Variants in ELMO1 observed in about 807,000 individuals in gnomAD.
ELMO1 encodes the protein engulfment and cell motility protein 1.
In ELMO1, 26 loss-of-function variants were observed where a neutral mutation model predicts 98.9. The ratio of observed to expected loss-of-function variants is 0.26; its 90% confidence interval spans 0.19 to 0.36. ELMO1 has a LOEUF of 0.36. ELMO1 is among the 10% of genes least tolerant of loss of function. The pLI, the probability that ELMO1 is intolerant of heterozygous loss-of-function variation, is 1.00. For missense variants in ELMO1, 627 were observed against 935.2 expected (o/e 0.67, Z 4.30); for synonymous variants, 346 against 346.0 (o/e 1.00, Z 0.00).
At chr7:36,941,651 C>T (rs1025519272) in intron 16 of ELMO1, among the ~76,000 whole-genome samples, 10 of 152,170 alleles carry the variant, frequency 6.6e-5, no homozygotes, top group African/African-American at 2.4e-4. Flanking sequence ...CATGGCATTG[C>T]TAAAGGGCCA....
chr7:37,400,660 C>T (rs1803487933), intron 1 of ELMO1, among the ~76,000 whole-genome samples: 1 of 152,110 alleles, frequency 6.6e-6, no homozygotes, highest in African/African-American at 2.4e-5. Flanking sequence ...TTCAGTTACT[C>T]CAGAATATTT....
chr7:37,184,590 C>T (rs1791084889), intron 13 of ELMO1, among the ~76,000 whole-genome samples: 1 of 152,134 alleles, frequency 6.6e-6, no homozygotes, highest in Non-Finnish European at 1.5e-5. Flanking sequence ...AATCAAACTG[C>T]TTTGGCTGAA....
At chr7:36,988,404 A>C (rs73688414) in intron 16 of ELMO1, among the ~76,000 whole-genome samples, 2,356 of 152,350 alleles carry the variant, frequency 0.015, 18 homozygotes, top group Middle Eastern at 0.037. Flanking sequence ...CTCAATCAAA[A>C]TTTAATAATT....
chr7:36,919,314 T>A lies in ELMO1; in HGVS notation c.1438-24297A>T, dbSNP rs745640657. 1.4e-5 allele frequency: 7 copies of A among 517,052 alleles called. No individual in the cohort carries two copies. In the Admixed American group the frequency reaches 1.4e-4, roughly 10 times the overall value. The allele number at this position is 517,052 out of a possible 1,614,324, so 32.0% of individuals were successfully genotyped here. On this transcript the variant is annotated intron_variant, in intron 16 of 21. Coordinates refer to ENST00000310758, the MANE Select transcript of ELMO1 (RefSeq NM_014800.11). Reference sequence around the variant, plus strand: ...ATAGCATCGTGTGAGTCTCAGCCTTTTCTAACACTGCTCAGATGCTGGCTG... The same window carrying A: ...ATAGCATCGTGTGAGTCTCAGCCTTATCTAACACTGCTCAGATGCTGGCTG...
intron 13 of ELMO1, among the ~76,000 whole-genome samples, chr7:37,152,776 T>C (rs1380751237): frequency 6.6e-6 from 1 of 152,208 alleles, no homozygotes; most frequent in Non-Finnish European, 1.5e-5. Flanking sequence ...ATTTGCGATA[T>C]AAACTTCTAT....
chr7:36,859,676 C>A (rs1431766981), intron 21 of ELMO1, among the ~76,000 whole-genome samples: 2 of 152,190 alleles, frequency 1.3e-5, no homozygotes, highest in Non-Finnish European at 2.9e-5. Flanking sequence ...TCATTTCCCT[C>A]TTTTAAATGG....
At chr7:37,237,203 C>T (rs535848285) in intron 7 of ELMO1, among the ~76,000 whole-genome samples, 1 of 152,176 alleles carries the variant, frequency 6.6e-6, no homozygotes, top group Non-Finnish European at 1.5e-5. Context: ...TCAAAACAAG[C>T]ATGTAAATTT....
chr7:37,160,104 T>C (rs908598060), intron 13 of ELMO1, among the ~76,000 whole-genome samples: 1 of 152,214 alleles, frequency 6.6e-6, no homozygotes, highest in African/African-American at 2.4e-5. Flanking sequence ...AAATCAAAAG[T>C]GGTTGTTTGC....
chr7:37,187,863 A>G (rs1791312128), intron 13 of ELMO1, among the ~76,000 whole-genome samples: 1 of 152,218 alleles, frequency 6.6e-6, no homozygotes, highest in Non-Finnish European at 1.5e-5. Flanking sequence ...ATAACGACAC[A>G]AGGCCATTCT....
At chr7:37,175,626 G>A (rs542017189) in intron 13 of ELMO1, among the ~76,000 whole-genome samples, 2 of 152,126 alleles carry the variant, frequency 1.3e-5, no homozygotes, top group Non-Finnish European at 2.9e-5. Flanking sequence ...CAGGCAGATT[G>A]CCTGAGCTCA....
intron 16 of ELMO1, among the ~76,000 whole-genome samples, chr7:36,928,714 T>G (rs1377410191): frequency 6.6e-6 from 1 of 152,086 alleles, no homozygotes; most frequent in African/African-American, 2.4e-5. Context: ...TTACCTATGG[T>G]CTAAAGTGCA....
intron 1 of ELMO1, among the ~76,000 whole-genome samples, chr7:37,409,888 A>G (rs1036579490): frequency 2.0e-5 from 3 of 152,244 alleles, no homozygotes; most frequent in East Asian, 3.8e-4. Context: ...ATGTATGATA[A>G]AAGATACTGG....
chr7:36,977,832 C>T (rs901706693), intron 16 of ELMO1, among the ~76,000 whole-genome samples: 3 of 152,184 alleles, frequency 2.0e-5, no homozygotes, highest in African/African-American at 7.2e-5. Flanking sequence ...GATAAATTTT[C>T]GTCAGGTAAA....
intron 15 of ELMO1, among the ~76,000 whole-genome samples, chr7:37,023,464 TA>T (rs967599603): frequency 1.3e-5 from 2 of 152,120 alleles, no homozygotes; most frequent in African/African-American, 4.8e-5. Flanking sequence ...ACTGGCTGGG[TA>T]AAAAAACTAC....
chr7:36,917,028 T>C (rs1784739317), intron 16 of ELMO1, among the ~76,000 whole-genome samples: 1 of 152,204 alleles, frequency 6.6e-6, no homozygotes, highest in Admixed American at 6.5e-5. Flanking sequence ...TTCAGTGAAA[T>C]CTGACTGATA....
chr7:37,046,677 C>G (rs1269452303), intron 15 of ELMO1, among the ~76,000 whole-genome samples: 2 of 152,174 alleles, frequency 1.3e-5, no homozygotes, highest in Non-Finnish European at 2.9e-5. Flanking sequence ...AATCTTAATT[C>G]TCTGAAACTC....
intron 15 of ELMO1, among the ~76,000 whole-genome samples, chr7:37,052,106 G>A (rs559282587): frequency 6.6e-6 from 1 of 152,208 alleles, no homozygotes; most frequent in Non-Finnish European, 1.5e-5. Flanking sequence ...CCAGTTGCCT[G>A]GGCTCTTGGG....
At chr7:37,412,876 C>T (rs1804051739) in intron 1 of ELMO1, among the ~76,000 whole-genome samples, 2 of 152,216 alleles carry the variant, frequency 1.3e-5, no homozygotes, top group South Asian at 2.1e-4. Flanking sequence ...TTGTCAGCCA[C>T]AGGAGCACAT....
chr7:36,946,107 T>G (rs186491537), intron 16 of ELMO1, among the ~76,000 whole-genome samples: 4 of 152,250 alleles, frequency 2.6e-5, no homozygotes, highest in African/African-American at 9.6e-5. Context: ...TGTGCTTTTC[T>G]GCACCAAGCA....
Sources: gnomAD v4.1 joint callset for allele counts (sites outside exome capture counted in the v4.1 genomes callset) on GRCh38, gnomAD v4.1.1 for gene constraint, MANE v1.5 for transcripts, NCBI Gene and HGNC (gene_info 2026-07-23, HGNC 2026-07-21) for gene names.